The following LTBP1 variants were observed in gnomAD, a reference collection of about 807,000 sequenced individuals.
LTBP1 encodes the protein latent-transforming growth factor beta-binding protein 1.
Under a neutral mutation model 207.6 loss-of-function variants are expected in LTBP1, and 129 were observed. The ratio of observed to expected loss-of-function variants is 0.62; its 90% CI spans 0.54 to 0.72. The LOEUF is 0.72. Ranked by LOEUF, LTBP1 falls within the 30% of genes least tolerant of loss-of-function variation. The probability of loss-of-function intolerance (pLI) is 0.00; values close to 1 mark genes in which losing one functional copy is unlikely to be tolerated. For missense variants in LTBP1, 2,281 were observed against 2,217.2 expected, an observed-to-expected ratio of 1.03 and a Z score of -0.58; for synonymous variants, 963 against 833.7, an observed-to-expected ratio of 1.16 and a Z score of -2.67.
intron 31 of LTBP1, among the ~76,000 whole-genome samples, chr2:33,384,911 C>T (rs931995507): frequency 2.0e-5 from 3 of 152,086 alleles, no homozygotes; most frequent in East Asian, 1.9e-4. Context: ...TTGCCTGTAC[C>T]GAGATCCTAA....
intron 7 of LTBP1, among the ~76,000 whole-genome samples, chr2:33,193,367 C>G (rs1223408346): frequency 2.0e-5 from 3 of 152,170 alleles, no homozygotes; most frequent in Admixed American, 2.0e-4. Context: ...GTTTAGAACT[C>G]CTGACCTCAG....
At chr2:33,122,862 A>G (rs965142786) in intron 4 of LTBP1, among the ~76,000 whole-genome samples, 1 of 152,154 alleles carries the variant, frequency 6.6e-6, no homozygotes, top group Non-Finnish European at 1.5e-5. Context: ...TTCTTGCTGT[A>G]CACAACCGCA....
rs186956053 is a variant in LTBP1, at chr2:33,345,705, A to G, written c.3857-1662A>G. On this transcript the variant is annotated intron_variant, in intron 25 of 33. Transcript: ENST00000404816. Reference sequence around the variant, plus strand: ...ATTATCCAAATAAGTCAAGATGTATAAGCTTTTTGTCCAATTAACTGGGTA... The same window carrying G: ...ATTATCCAAATAAGTCAAGATGTATGAGCTTTTTGTCCAATTAACTGGGTA... Among the ~76,000 whole-genome samples the G allele has an allele frequency of 2.6e-5, 4 of 152,360 alleles. No homozygotes were observed. In the East Asian group the frequency reaches 7.7e-4, roughly 29 times the overall value.
At chr2:33,348,953 T>G (rs1277771850) in intron 26 of LTBP1, among the ~76,000 whole-genome samples, 1 of 152,186 alleles carries the variant, frequency 6.6e-6, no homozygotes, top group Non-Finnish European at 1.5e-5. Flanking sequence ...TATGGAGTCT[T>G]AAGACTGTCT....
At chr2:33,330,871 A>T (rs1402057823) in intron 24 of LTBP1, among the ~76,000 whole-genome samples, 1 of 150,806 alleles carries the variant, frequency 6.6e-6, no homozygotes, top group East Asian at 1.9e-4. Context: ...TGTGCCTGGA[A>T]TGTTTGTTTT....
chr2:33,015,774 G>T (rs1336973514), intron 2 of LTBP1, among the ~76,000 whole-genome samples: 1 of 152,196 alleles, frequency 6.6e-6, no homozygotes, highest in African/African-American at 2.4e-5. Flanking sequence ...TTCTGGGGAG[G>T]CCTCGGGAAA....
intron 7 of LTBP1, among the ~76,000 whole-genome samples, chr2:33,208,014 A>G (rs2090008664): frequency 1.3e-5 from 2 of 152,246 alleles, no homozygotes; most frequent in South Asian, 4.1e-4. Context: ...TGTAGTCAGT[A>G]CTTTTCCCAT....
At chr2:33,089,110 C>T (rs1215363058) in intron 3 of LTBP1, among the ~76,000 whole-genome samples, 4 of 141,096 alleles carry the variant, frequency 2.8e-5, no homozygotes, top group African/African-American at 5.3e-5. Context: ...GAGCCAAGAT[C>T]GCACCACTGC....
At chr2:33,282,434 A>G (rs977923068) in intron 19 of LTBP1, among the ~76,000 whole-genome samples, 2 of 152,136 alleles carry the variant, frequency 1.3e-5, no homozygotes, top group African/African-American at 4.8e-5. Context: ...TTATACTGAA[A>G]TAGATTTTCC....
intron 3 of LTBP1, among the ~76,000 whole-genome samples, chr2:33,031,515 A>G (rs1472832337): frequency 6.6e-6 from 1 of 152,240 alleles, no homozygotes. Flanking sequence ...ATAACATAGC[A>G]TAATACCTAA....
At chr2:33,395,715 G>GA (rs34496425) in intron 32 of LTBP1, among the ~76,000 whole-genome samples, 111,861 of 141,744 alleles carry the variant, frequency 0.79, 43,999 homozygotes, top group African/African-American at 0.88. Flanking sequence ...TCCTTGTTTA[G>GA]AAAAAAAAAA....
intron 2 of LTBP1, among the ~76,000 whole-genome samples, chr2:32,977,844 T>C (rs1449549198): frequency 6.6e-6 from 1 of 152,236 alleles, no homozygotes; most frequent in East Asian, 1.9e-4. Flanking sequence ...GTTTCATGGA[T>C]GATCAGCTTG....
At chr2:33,170,490 A>C (rs1188196073) in intron 5 of LTBP1, among the ~76,000 whole-genome samples, 3 of 152,218 alleles carry the variant, frequency 2.0e-5, no homozygotes. Flanking sequence ...TTAGGTAAAC[A>C]CAGCAGCCTG....
intron 2 of LTBP1, among the ~76,000 whole-genome samples, chr2:32,983,480 T>G (rs1352143648): frequency 6.6e-6 from 1 of 152,072 alleles, no homozygotes; most frequent in East Asian, 1.9e-4. Context: ...TGATTGGCTT[T>G]GAAACATGAG....
intron 31 of LTBP1, among the ~76,000 whole-genome samples, chr2:33,378,479 G>A (rs1020147206): frequency 4.6e-5 from 7 of 152,010 alleles, no homozygotes; most frequent in Admixed American, 2.0e-4. Flanking sequence ...CAATCCACCC[G>A]CCTCAGCCTC....
At chr2:33,128,371 C>T (rs539059254) in intron 4 of LTBP1, among the ~76,000 whole-genome samples, 1 of 152,282 alleles carries the variant, frequency 6.6e-6, no homozygotes, top group East Asian at 1.9e-4. Flanking sequence ...AGATTGCATG[C>T]GTAGTAGAGA....
In LTBP1 at chr2:33,360,789, C is replaced by T. The variant is rs141584950; in HGVS notation, c.4183+10C>T. On this transcript the variant is annotated intron_variant, in intron 27 of 33. Transcript: ENST00000404816. ...CCGGTCTTGGGAACTGGTAAGAATC[C>T]GCTTAGTGGTAGAGTCACACTTGTG... is the stretch of plus-strand genomic sequence containing the variant. 1.1e-5 allele frequency: 18 copies of T among 1,612,980 alleles called. No individual in the cohort carries two copies. In the South Asian group the frequency reaches 1.4e-4, roughly 13 times the overall value.
intron 2 of LTBP1, among the ~76,000 whole-genome samples, chr2:32,992,970 A>G (rs219158): frequency 0.26 from 40,114 of 151,972 alleles, 6,554 homozygotes; most frequent in Non-Finnish European, 0.38. Context: ...GAAGAGGAGA[A>G]GTCACCCCAA....
chr2:33,372,835 G>A (rs1553312485), intron 31 of LTBP1, among the ~76,000 whole-genome samples: 1 of 152,196 alleles, frequency 6.6e-6, no homozygotes, highest in Non-Finnish European at 1.5e-5. Context: ...CTGCACTCTA[G>A]TTTGGACAAC....
Sources: allele counts gnomAD v4.1 joint callset (sites outside exome capture counted in the v4.1 genomes callset), GRCh38; gene constraint gnomAD v4.1.1; transcripts MANE v1.5; gene names NCBI Gene and HGNC (gene_info 2026-07-23, HGNC 2026-07-21).